Variants in MBNL3 observed in about 807,000 individuals in gnomAD.
MBNL3 encodes the protein muscleblind-like protein 3.
MBNL3 carries 6 observed loss-of-function variants against 24.5 expected under a neutral mutation model. The ratio of observed to expected loss-of-function variants is 0.25; its 90% CI spans 0.13 to 0.48. MBNL3 has a LOEUF of 0.48. MBNL3 is among the 20% of genes least tolerant of loss of function. The pLI is 0.99. For missense variants in MBNL3, 230 were observed against 293.5 expected, an observed-to-expected ratio of 0.78 and a Z score of 1.58; for synonymous variants, 100 against 101.7, an observed-to-expected ratio of 0.98 and a Z score of 0.10.
chrX:132,397,177 T>C (rs1268744143), intron 3 of MBNL3, among the ~76,000 whole-genome samples: 8 of 107,717 alleles, frequency 7.4e-5, no homozygotes, highest in Non-Finnish European at 1.5e-4. Flanking sequence ...GTAGTTGGAA[T>C]CCTGTAAAGG....
At chrX:132,395,802 C>T (rs1938070139) in intron 3 of MBNL3, among the ~76,000 whole-genome samples, 1 of 111,356 alleles carries the variant, frequency 9.0e-6, no homozygotes, top group Non-Finnish European at 1.9e-5. Context: ...ACTCTGTCCA[C>T]AGAAAAATTC....
intron 1 of MBNL3, 115 bp downstream of exon 1, chrX:132,488,736 G>A (rs933060571): frequency 8.9e-5 from 10 of 112,888 alleles, no homozygotes; most frequent in African/African-American, 2.9e-4. Context: ...CAAAGTTGCA[G>A]GATGACTTTT....
chrX:132,398,499 A>T (rs183650411), intron 3 of MBNL3, among the ~76,000 whole-genome samples: 28 of 111,817 alleles, frequency 2.5e-4, no homozygotes, highest in Non-Finnish European at 4.0e-4. Flanking sequence ...TGTGGCATGG[A>T]TTGTAGTAAT....
At chrX:132,396,335 CATATATATTCATATATATATATTCCT>C (rs1569423168) in intron 3 of MBNL3, among the ~76,000 whole-genome samples, 127 of 64,868 alleles carry the variant, frequency 2.0e-3, no homozygotes, top group African/African-American at 0.012. Flanking sequence ...CATATATATT[CATATATATTCATATATATATATTCCT>C]ATATATATTC....
At chrX:132,399,871 G>A (rs1940563496) in intron 3 of MBNL3, among the ~76,000 whole-genome samples, 1 of 109,549 alleles carries the variant, frequency 9.1e-6, no homozygotes, top group East Asian at 2.9e-4. Context: ...GTGATCAACA[G>A]CAAGCAATCT....
At chrX:132,390,698 G>T (rs1751828371) in intron 5 of MBNL3, 149 bp downstream of exon 5, 3 of 447,896 alleles carry the variant, frequency 6.7e-6, no homozygotes. Flanking sequence ...GAATAAATAG[G>T]TTCTTTCTTT....
In MBNL3 at chrX:132,377,606, T is replaced by G. The variant is rs1367814338; in HGVS notation, c.*2060A>C. 9.0e-6 allele frequency: 1 copy of G among 111,051 alleles called. No homozygotes were observed. The highest frequency in any genetic ancestry group is 2.8e-4 in the East Asian group (1 of 3,552). The allele number at this position is 111,051 out of a possible 1,213,427, so 9.2% of individuals were successfully genotyped here. A position where few individuals can be genotyped will look rare whatever the true frequency, so the allele number is the denominator to read the frequency against. On this transcript the variant is annotated 3_prime_UTR_variant, in exon 9 of 9. Transcript: ENST00000370853. ...AAAACAATGTGAAAAGGAGGAACAA[T>G]GGGAAGCAGGAGATATTTCTGGGTC...
In MBNL3 at chrX:132,377,761, A is replaced by G. The variant is rs1603016342; in HGVS notation, c.*1905T>C. The G allele has an allele frequency of 2.7e-5, 3 of 109,958 alleles. No individual in the cohort carries two copies. In the East Asian group the frequency reaches 8.5e-4, roughly 31 times the overall value. 9.1% of individuals were successfully genotyped at this position (109,958 alleles called of 1,213,427 possible). On this transcript the variant is annotated 3_prime_UTR_variant, in exon 9 of 9. Transcript: ENST00000370853. ...TTCTAGCCAGCTTAAGGTATCCTCA[A>G]TCAGATTTGCTTTTTACTTGTCATT...
intron 3 of MBNL3, among the ~76,000 whole-genome samples, chrX:132,399,377 T>C (rs865954534): frequency 1.8e-5 from 2 of 111,000 alleles, no homozygotes; most frequent in South Asian, 7.6e-4. Flanking sequence ...TATGTGTATG[T>C]ATTTTTAAAA....
At chrX:132,470,463 T>C (rs558728866) in intron 1 of MBNL3, among the ~76,000 whole-genome samples, 101 of 111,046 alleles carry the variant, frequency 9.1e-4, no homozygotes, top group South Asian at 8.7e-3. Context: ...GAGCCAAATA[T>C]CAGGGAAAAA....
chrX:132,427,777 C>T (rs919939396), intron 2 of MBNL3, among the ~76,000 whole-genome samples: 3 of 111,697 alleles, frequency 2.7e-5, no homozygotes, highest in Admixed American at 9.5e-5. Flanking sequence ...CATTTTTGCA[C>T]GCTAAGACAG....
intron 1 of MBNL3, among the ~76,000 whole-genome samples, chrX:132,477,064 G>A (rs571831989): frequency 1.8e-5 from 2 of 112,218 alleles, no homozygotes; most frequent in Non-Finnish European, 3.8e-5. Flanking sequence ...GAATAAGAAA[G>A]AATTAAAACC....
chrX:132,403,736 T>G (rs1044767039), intron 3 of MBNL3, among the ~76,000 whole-genome samples: 1 of 111,217 alleles, frequency 9.0e-6, no homozygotes, highest in African/African-American at 3.3e-5. Context: ...TAGAACGGCT[T>G]CCCTCTGTAC....
chrX:132,449,981 C>T (rs1458411872), intron 1 of MBNL3, among the ~76,000 whole-genome samples: 1 of 26,740 alleles, frequency 3.7e-5, no homozygotes, highest in Admixed American at 2.7e-4. Flanking sequence ...AATATTGCCC[C>T]CCCCCCCCCC....
intron 1 of MBNL3, among the ~76,000 whole-genome samples, chrX:132,482,484 C>T (rs778001982): frequency 1.5e-4 from 17 of 111,365 alleles, no homozygotes; most frequent in African/African-American, 4.9e-4. Flanking sequence ...TCTTCTATGG[C>T]GAGCGGGACC....
At chrX:132,390,125 G>A (rs1391151637) in intron 5 of MBNL3, among the ~76,000 whole-genome samples, 5 of 107,776 alleles carry the variant, frequency 4.6e-5, no homozygotes, top group Non-Finnish European at 3.8e-5. Context: ...CCTGGGAGGC[G>A]GAGGTTACAG....
chrX:132,385,641 C>T (rs1357178763), intron 6 of MBNL3, among the ~76,000 whole-genome samples: 1 of 110,684 alleles, frequency 9.0e-6, no homozygotes, highest in African/African-American at 3.3e-5. Context: ...CATATTTCCT[C>T]TCAGAAACTA....
At chrX:132,380,050 C>T (rs1210564825) in intron 8 of MBNL3, among the ~76,000 whole-genome samples, 1 of 112,438 alleles carries the variant, frequency 8.9e-6, no homozygotes, top group Non-Finnish European at 1.9e-5. Context: ...ATATTAAATA[C>T]ACTTTCAACT....
At chrX:132,392,120 T>C (rs200096051) in intron 4 of MBNL3, 23 bp downstream of exon 4, 592 of 1,134,551 alleles carry the variant, frequency 5.2e-4, no homozygotes, top group Non-Finnish European at 6.8e-4. Context: ...TCTACAGGTA[T>C]TTATATATAT....
Sources: allele counts gnomAD v4.1 joint callset (sites outside exome capture counted in the v4.1 genomes callset), GRCh38; gene constraint gnomAD v4.1.1; transcripts MANE v1.5; gene names NCBI Gene and HGNC (gene_info 2026-07-23, HGNC 2026-07-21).